Variants in PID1 observed in about 807,000 individuals in gnomAD.
The protein encoded by PID1 is phosphotyrosine interaction domain containing 1, also known as PTB-containing, cubilin and LRP1-interacting protein.
A neutral mutation model predicts 19.1 loss-of-function variants in PID1; 10 were observed. That is an observed-to-expected ratio of 0.52 (90% CI 0.32 to 0.89). The LOEUF (loss-of-function observed/expected upper bound fraction) is 0.89. Ranked by LOEUF, PID1 falls within the 40% of genes least tolerant of loss-of-function variation. The pLI is 0.03. For synonymous variants in PID1, 130 were observed against 116.0 expected (o/e 1.12, Z -0.78); for missense variants, 248 against 285.3 (o/e 0.87, Z 0.94).
intron 2 of PID1, among the ~76,000 whole-genome samples, chr2:229,125,083 T>A (rs1464031953): frequency 6.6e-6 from 1 of 152,216 alleles, no homozygotes; most frequent in Non-Finnish European, 1.5e-5. Context: ...CAGACTTTAC[T>A]CTTTCAAGTT....
At chr2:229,174,671 T>C (rs1178282340) in intron 1 of PID1, among the ~76,000 whole-genome samples, 3 of 144,638 alleles carry the variant, frequency 2.1e-5, no homozygotes, top group East Asian at 1.9e-4. Context: ...GAGATTTTTT[T>C]TGCCCCTCCC....
At chr2:229,112,632 C>A (rs1695320968) in intron 2 of PID1, among the ~76,000 whole-genome samples, 1 of 152,120 alleles carries the variant, frequency 6.6e-6, no homozygotes, top group Non-Finnish European at 1.5e-5. Flanking sequence ...ACTACAGGTG[C>A]CTGCCACCAG....
intron 2 of PID1, among the ~76,000 whole-genome samples, chr2:229,047,940 A>G (rs764469): frequency 0.52 from 79,671 of 152,118 alleles, 21,652 homozygotes; most frequent in East Asian, 0.67. Context: ...AATCACAAAA[A>G]AAGAAAAGCA....
intron 2 of PID1, among the ~76,000 whole-genome samples, chr2:229,068,579 G>A (rs1369088961): frequency 1.3e-5 from 2 of 152,096 alleles, no homozygotes; most frequent in East Asian, 1.9e-4. Flanking sequence ...GAGTACATTC[G>A]TTGCCCTTCC....
chr2:229,261,424 A>C (rs1045422851), intron 1 of PID1, among the ~76,000 whole-genome samples: 3 of 152,214 alleles, frequency 2.0e-5, no homozygotes, highest in African/African-American at 7.2e-5. Flanking sequence ...TTGGAAAGGA[A>C]ACAGCAGTTG....
At chr2:229,158,752 C>T (rs1167346659) in intron 1 of PID1, among the ~76,000 whole-genome samples, 13 of 152,168 alleles carry the variant, frequency 8.5e-5, no homozygotes, top group Admixed American at 4.6e-4. Context: ...CAAGTACCTT[C>T]GCCTCAGTAA....
intron 1 of PID1, among the ~76,000 whole-genome samples, chr2:229,175,676 G>A (rs1207361390): frequency 1.3e-5 from 2 of 152,116 alleles, no homozygotes; most frequent in Non-Finnish European, 2.9e-5. Flanking sequence ...CCCTATCCTG[G>A]AAGACAATAC....
intron 1 of PID1, among the ~76,000 whole-genome samples, chr2:229,182,842 G>C (rs149285587): frequency 4.1e-4 from 63 of 152,292 alleles, no homozygotes; most frequent in African/African-American, 1.5e-3. Flanking sequence ...TACACTTCAT[G>C]CCTTAACCCC....
At chr2:229,149,052 A>G (rs1020046965) in intron 2 of PID1, among the ~76,000 whole-genome samples, 1 of 149,358 alleles carries the variant, frequency 6.7e-6, no homozygotes, top group African/African-American at 2.4e-5. Flanking sequence ...TATATATATT[A>G]TATTAGATTC....
At chr2:229,130,870 G>C (rs1190867271) in intron 2 of PID1, among the ~76,000 whole-genome samples, 1 of 152,164 alleles carries the variant, frequency 6.6e-6, no homozygotes, top group Admixed American at 6.5e-5. Flanking sequence ...GGCAGGCCAG[G>C]GCTAGGGAAA....
At chr2:229,228,734 G>C (rs367990850) in intron 1 of PID1, among the ~76,000 whole-genome samples, 7 of 151,360 alleles carry the variant, frequency 4.6e-5, no homozygotes, top group African/African-American at 1.7e-4. Context: ...TAAACAAAAA[G>C]GTATCTGCTA....
intron 2 of PID1, among the ~76,000 whole-genome samples, chr2:229,038,985 C>T (rs1693716013): frequency 1.3e-5 from 2 of 152,132 alleles, no homozygotes; most frequent in African/African-American, 4.8e-5. Flanking sequence ...AAGAATCTCA[C>T]AATGTAACTA....
chr2:229,246,880 G>C lies in PID1; in HGVS notation c.30+24134C>G, dbSNP rs77582810. Among the ~76,000 whole-genome samples the C allele has an allele frequency of 4.0e-4, 61 of 152,204 alleles. 1 individual carries two copies. In the East Asian group the frequency reaches 0.011, roughly 29 times the overall value. ...CTCACAATCTTTTCAGACCAATTTA[G>C]CAATTTGCAAAATGGAGAAGGTTTA... is the stretch of plus-strand genomic sequence containing the variant. On this transcript the variant is annotated intron_variant, in intron 1 of 2. Transcript: ENST00000392055.
At chr2:229,257,880 G>A (rs1690346090) in intron 1 of PID1, among the ~76,000 whole-genome samples, 1 of 152,164 alleles carries the variant, frequency 6.6e-6, no homozygotes, top group Admixed American at 6.5e-5. Context: ...AAGGAATCCA[G>A]ACCCTACGTC....
intron 1 of PID1, among the ~76,000 whole-genome samples, chr2:229,213,426 A>G (rs934536331): frequency 1.3e-5 from 2 of 152,186 alleles, no homozygotes; most frequent in Admixed American, 6.5e-5. Context: ...GCTTTTTCCA[A>G]TTAGGAAAAT....
At chr2:229,216,135 T>C (rs1056661081) in intron 1 of PID1, among the ~76,000 whole-genome samples, 2 of 152,182 alleles carry the variant, frequency 1.3e-5, no homozygotes, top group African/African-American at 2.4e-5. Context: ...AAGCTGTCAA[T>C]ACTTGGCCTT....
intron 2 of PID1, among the ~76,000 whole-genome samples, chr2:229,035,281 G>A (rs1276355285): frequency 2.0e-5 from 3 of 152,158 alleles, no homozygotes; most frequent in African/African-American, 4.8e-5. Flanking sequence ...TGCCCAAGCA[G>A]GAAGAAAATC....
At chr2:229,046,820 A>G (rs1460162135) in intron 2 of PID1, among the ~76,000 whole-genome samples, 1 of 152,214 alleles carries the variant, frequency 6.6e-6, no homozygotes, top group African/African-American at 2.4e-5. Context: ...AAATGCATAG[A>G]AAATCCCAGC....
At position 229,052,133 on chromosome 2, in the gene PID1, T is replaced by C. The variant is rs191226586; in HGVS notation, c.178-26025A>G. Among the ~76,000 whole-genome samples the C allele has an allele frequency of 3.3e-5, 5 of 152,312 alleles. No individual in the cohort carries two copies. The East Asian group carries it at 5.8e-4, about 18-fold the overall frequency. ...TCTCTATTTCCAAATTTTACTAAAGTGATTTAACAACGTTATAGTGCCAAA... is the reference window on the plus strand; with the variant it reads ...TCTCTATTTCCAAATTTTACTAAAGCGATTTAACAACGTTATAGTGCCAAA... On this transcript the variant is annotated intron_variant, in intron 2 of 2. Transcript: ENST00000392055.
Sources: gnomAD v4.1 joint callset for allele counts (sites outside exome capture counted in the v4.1 genomes callset) on GRCh38, gnomAD v4.1.1 for gene constraint, MANE v1.5 for transcripts, NCBI Gene and HGNC (gene_info 2026-07-23, HGNC 2026-07-21) for gene names.